Variants in HTR1A observed in about 807,000 individuals in gnomAD.
HTR1A encodes 5-hydroxytryptamine receptor 1A.
Under a neutral mutation model 24.6 loss-of-function variants are expected in HTR1A, and 17 were observed. The ratio of observed to expected loss-of-function variants is 0.69; its 90% CI spans 0.47 to 1.04. The LOEUF is 1.04. HTR1A is among the 50% of genes least tolerant of loss of function. HTR1A has a pLI of 0.00. For synonymous variants in HTR1A, 262 were observed against 244.6 expected, an observed-to-expected ratio of 1.07 and a Z score of -0.67; for missense variants, 515 against 565.1, an observed-to-expected ratio of 0.91 and a Z score of 0.90.
Position 63,961,697 on chromosome 5 carries a change from T to C in HTR1A, c.23A>G (p.Gln8Arg), listed in dbSNP as rs537575957. 1.2e-6 allele frequency: 2 copies of C among 1,613,780 alleles called. No individual in the cohort carries two copies. The highest frequency in any genetic ancestry group is 1.7e-6 in the Non-Finnish European group (2 of 1,180,038). Reference protein sequence around the residue: MDVLSPGQGNNTTSPPAP... With the variant: MDVLSPGRGNNTTSPPAP... ...CGGTGGTGATGTGGTGTTGTTGCCC[T>C]GACCAGGGCTGAGCACATCCATGCC... The change falls in exon 1 of 1, where the codon CAG becomes CGG. Residue 8 changes from glutamine to arginine, a missense_variant. Around this residue, in one of 3 missense-constraint regions of HTR1A, gnomAD observed 54 missense variants for 49.8 expected, o/e 1.08. Coordinates refer to ENST00000323865, the MANE Select transcript of HTR1A (RefSeq NM_000524.4).
In HTR1A at chr5:63,959,075, C is replaced by T. The variant is rs927970638; in HGVS notation, c.*1376G>A. 6.6e-6 allele frequency among the ~76,000 whole-genome samples: 1 copy of T among 152,224 alleles called. No homozygotes were observed. Among genetic ancestry groups the T allele is most frequent in the Non-Finnish European group, 1.5e-5 (1 of 68,048 alleles). On this transcript the variant is annotated 3_prime_UTR_variant, in exon 1 of 1. Transcript: ENST00000323865. The stretch of plus-strand genomic sequence containing the variant: ...TCTTGGATGTCCTGTAAAGCAAATG[C>T]AGCGAGTGTTGGGACACGCTAAACA...
Position 63,958,124 on chromosome 5 carries a change from G to A in HTR1A, c.*2327C>T, listed in dbSNP as rs531630986. ...TGGGGTTTGGATTATTTTAAATATA[G>A]ACTTTGTTCTTAAAATTTAGTGTAA... is the stretch of plus-strand genomic sequence containing the variant. On this transcript the variant is annotated 3_prime_UTR_variant, in exon 1 of 1. Transcript: ENST00000323865. 15 of 152,296 alleles carry A rather than the reference G, an allele frequency of 9.8e-5. 1 individual carries two copies. The highest frequency in any genetic ancestry group is 3.6e-4 in the African/African-American group (15 of 41,562). 9.4% of individuals were successfully genotyped at this position (152,296 alleles called of 1,614,324 possible). A position where few individuals can be genotyped will look rare whatever the true frequency, so the allele number is the denominator to read the frequency against.
chr5:63,960,898 A>C lies in HTR1A; in HGVS notation c.822T>G (p.Ala274=), dbSNP rs1289896785. 1.2e-6 allele frequency: 2 copies of C among 1,613,740 alleles called. No homozygotes were observed. Among genetic ancestry groups the C allele is most frequent in the Non-Finnish European group, 1.7e-6 (2 of 1,179,830 alleles). The change falls in exon 1 of 1, where the codon GCT becomes GCG. Residue 274 remains alanine, a synonymous_variant. Coordinates refer to ENST00000323865, the MANE Select transcript of HTR1A (RefSeq NM_000524.4). The stretch of plus-strand genomic sequence containing the variant: ...GCCTCACCGCGCCATTGGCGCACAG[A>C]GCACCCCCAGCCTTGCTCTCCACGC... ...RLGVESKAGG[A]LCANGAVRQG...
Position 63,960,981 on chromosome 5 carries a change from C to T in HTR1A, c.739G>A (p.Ala247Thr), listed in dbSNP as rs202078108. The change falls in exon 1 of 1, where the codon GCC becomes ACC. Residue 247 changes from alanine to threonine, a missense_variant. Transcript: ENST00000323865. ...TTCACACTCTTCTTGGGCTGCGGGG[C>T]GGGAGATGCTCCATGGCGGGTGTCC... ...GADTRHGASP[A>T]PQPKKSVNGE... is the part of the protein sequence containing the mutation. 33 of 1,614,182 alleles carry T rather than the reference C, an allele frequency of 2.0e-5. No individual in the cohort carries two copies. Among genetic ancestry groups the T allele is most frequent in the Admixed American group, 8.3e-5 (5 of 60,036 alleles).
At position 63,960,606 on chromosome 5, in the gene HTR1A, C is replaced by T; in HGVS notation, c.1114G>A (p.Glu372Lys). 1 of 1,614,208 alleles carries T rather than the reference C, an allele frequency of 6.2e-7. No homozygotes were observed. Among genetic ancestry groups the T allele is most frequent in the Non-Finnish European group, 8.5e-7 (1 of 1,180,024 alleles). Residue 372 changes from glutamate (E) to lysine (K), a missense_variant, in exon 1 of 1, where the codon GAG becomes AAG. By Grantham distance (56) the Glu-to-Lys change is moderately conservative. Coordinates refer to ENST00000323865, the MANE Select transcript of HTR1A (RefSeq NM_000524.4). The part of the protein sequence containing the change: ...FIVALVLPFC[E>K]SSCHMPTLLG... Reference sequence around the variant, plus strand: ...AGGGTGGGCATGTGGCAGCTGCTCTCGCAGAAGGGCAGAACAAGAGCCACG... The same window carrying T: ...AGGGTGGGCATGTGGCAGCTGCTCTTGCAGAAGGGCAGAACAAGAGCCACG...
At position 63,960,963 on chromosome 5, in the gene HTR1A, T is replaced by C; in HGVS notation, c.757A>G (p.Ser253Gly). The C allele has an allele frequency of 6.2e-7, 1 of 1,614,168 alleles. No individual in the cohort carries two copies. The highest frequency in any genetic ancestry group is 8.5e-7 in the Non-Finnish European group (1 of 1,180,028). Residue 253 changes from serine (S) to glycine (G), a missense_variant, in exon 1 of 1, where the codon AGT (serine) becomes GGT (glycine). By Grantham distance (56) the Ser-to-Gly change is moderately conservative (BLOSUM62 0). Around this residue, in one of 3 missense-constraint regions of HTR1A, gnomAD observed 381 missense variants for 384.5 expected, o/e 0.99. Coordinates refer to ENST00000323865, the MANE Select transcript of HTR1A (RefSeq NM_000524.4). The stretch of plus-strand genomic sequence containing the variant: ...CTGCTCCCCGACTCTCCATTCACAC[T>C]CTTCTTGGGCTGCGGGGCGGGAGAT... ...GASPAPQPKK[S>G]VNGESGSRNW...
Position 63,961,731 on chromosome 5 carries a change from C to G in HTR1A, c.-12G>C, listed in dbSNP as rs199667703. On this transcript the variant is annotated 5_prime_UTR_variant, in exon 1 of 1. Coordinates refer to ENST00000323865, the MANE Select transcript of HTR1A (RefSeq NM_000524.4). ...CTGAGCACATCCATGCCTGCGCGCC[C>G]GGCGCGGGAAGGGGGAGGGAAGAAA... 6 of 1,613,700 alleles carry G rather than the reference C, an allele frequency of 3.7e-6. No individual in the cohort carries two copies. The highest frequency in any genetic ancestry group is 3.3e-5 in the South Asian group (3 of 91,076).
rs765258517 is a variant in HTR1A at position 63,961,510 on chromosome 5, C to T, written c.210G>A (p.Val70=). ...AIALERSLQN[V]ANYLIGSLAV... is the part of the protein sequence containing the mutation. ...CCAAAGAGCCAATAAGATAATTGGC[C>T]ACGTTCTGCAGGGAGCGCTCCAAGG... Residue 70 remains valine, a synonymous_variant, in exon 1 of 1, where the codon GTG becomes GTA. Transcript: ENST00000323865. 6.8e-6 allele frequency: 11 copies of T among 1,614,244 alleles called. No homozygotes were observed. The highest frequency in any genetic ancestry group is 1.6e-4 in the Middle Eastern group (1 of 6,062).
rs778078124 is a variant in HTR1A, at chr5:63,961,364, C to G, written c.356G>C (p.Cys119Ser). ...CAGGTGCAAGATGGATGAGGTGCAGCACAGCACGTCGAGGGCGATGAACAG... is the reference window on the plus strand; with the variant it reads ...CAGGTGCAAGATGGATGAGGTGCAGGACAGCACGTCGAGGGCGATGAACAG... ...CDLFIALDVL[C>S]CTSSILHLCA... The change falls in exon 1 of 1, where the codon TGC (cysteine) becomes TCC (serine). Residue 119 changes from cysteine to serine, a missense_variant. Around this residue, in one of 3 missense-constraint regions of HTR1A, gnomAD observed 80 missense variants for 130.8 expected, o/e 0.61. Coordinates refer to ENST00000323865, the MANE Select transcript of HTR1A (RefSeq NM_000524.4). The G allele has an allele frequency of 6.2e-7, 1 of 1,613,996 alleles. No homozygotes were observed. The highest frequency in any genetic ancestry group is 8.5e-7 in the Non-Finnish European group (1 of 1,179,908).
rs1297365002 is a variant in HTR1A, at chr5:63,958,586, G to C, written c.*1865C>G. Among the ~76,000 whole-genome samples, 3 of 152,188 alleles carry C rather than the reference G, an allele frequency of 2.0e-5. No homozygotes were observed. The highest frequency in any genetic ancestry group is 4.4e-5 in the Non-Finnish European group (3 of 68,028). On this transcript the variant is annotated 3_prime_UTR_variant, in exon 1 of 1. Coordinates refer to ENST00000323865, the MANE Select transcript of HTR1A (RefSeq NM_000524.4). ...GAAAAGAGTAGGGATCAATTACTTT[G>C]TGAATTTTCTGGAAAACAAGACCAT...
At position 63,960,921 on chromosome 5, in the gene HTR1A, C is replaced by G. The variant is rs34158987; in HGVS notation, c.799G>C (p.Val267Leu). Residue 267 changes from valine (V) to leucine (L), a missense_variant, in exon 1 of 1, where the codon GTG becomes CTG. This residue lies in a region of HTR1A where 381 missense variants were observed against 384.5 expected (regional missense o/e 0.99). Transcript: ENST00000323865. Reference protein sequence around the residue: ...ESGSRNWRLGVESKAGGALCA... With the variant: ...ESGSRNWRLGLESKAGGALCA... ...AGAGCACCCCCAGCCTTGCTCTCCACGCCCAGCCTCCAGTTCCTGCTCCCC... is the reference window on the plus strand; with the variant it reads ...AGAGCACCCCCAGCCTTGCTCTCCAGGCCCAGCCTCCAGTTCCTGCTCCCC... 6.2e-7 allele frequency: 1 copy of G among 1,614,042 alleles called. No homozygotes were observed. The highest frequency in any genetic ancestry group is 1.1e-5 in the South Asian group (1 of 91,086).
chr5:63,961,148 T>C lies in HTR1A; in HGVS notation c.572A>G (p.Lys191Arg). ...GGAATAGATAGTGTAGCCATGATCC[T>C]TGCTAATGGTGCATGCGTCGGGGTC... The part of the protein sequence containing the change: ...RSDPDACTIS[K>R]DHGYTIYSTF... The change falls in exon 1 of 1, where the codon AAG (lysine) becomes AGG (arginine). Residue 191 changes from lysine (K) to arginine (R), a missense_variant. Around this residue, in one of 3 missense-constraint regions of HTR1A, gnomAD observed 381 missense variants for 384.5 expected, o/e 0.99. Transcript: ENST00000323865. The C allele has an allele frequency of 6.2e-7, 1 of 1,614,212 alleles. No homozygotes were observed. The highest frequency in any genetic ancestry group is 8.5e-7 in the Non-Finnish European group (1 of 1,180,050).
Position 63,957,921 on chromosome 5 carries a change from G to A in HTR1A, c.*2530C>T, listed in dbSNP as rs1432647960. The A allele has an allele frequency of 1.3e-5, 2 of 152,256 alleles. No homozygotes were observed. The highest frequency in any genetic ancestry group is 1.9e-4 in the East Asian group (1 of 5,170). 9.4% of individuals were successfully genotyped at this position (152,256 alleles called of 1,614,324 possible). On this transcript the variant is annotated 3_prime_UTR_variant, in exon 1 of 1. Transcript: ENST00000323865. ...ATTTCTCTAAATTCTCTATTGCCTT[G>A]ACAATTATGCTCCAGTTGGATGTTC...
rs769309156 is a variant in HTR1A, at chr5:63,961,203, G to A, written c.517C>T (p.Leu173=). 2.5e-6 allele frequency: 4 copies of A among 1,614,030 alleles called. No individual in the cohort carries two copies. The Admixed American group carries it at 5.0e-5, about 20-fold the overall frequency. ...CGGTCTTCCGGGGTGCGCCAGCCCA[G>A]CATGGGCGGGATAGAGATGAGGAAG... ...IGFLISIPPM[L]GWRTPEDRSD... Residue 173 remains leucine (L), a synonymous_variant, in exon 1 of 1, where the codon CTG becomes TTG. Coordinates refer to ENST00000323865, the MANE Select transcript of HTR1A (RefSeq NM_000524.4).
Position 63,961,247 on chromosome 5 carries a change from G to T in HTR1A, c.473C>A (p.Ser158Ter). ...GAGGAAGCCAATAAGCCAAGTGAGC[G>T]AGATGAGCGCAGCGGCGCGCCGGGG... ...RTPRRAAALI[S>*]LTWLIGFLIS... is the part of the protein sequence containing the mutation. The change falls in exon 1 of 1, where the codon TCG becomes TAG. Residue 158 changes from serine (S) to a stop codon, truncating the protein, a stop_gained. Coordinates refer to ENST00000323865, the MANE Select transcript of HTR1A (RefSeq NM_000524.4). LOFTEE classifies it high-confidence loss of function. 6.2e-7 allele frequency: 1 copy of T among 1,614,202 alleles called. No homozygotes were observed. The highest frequency in any genetic ancestry group is 8.5e-7 in the Non-Finnish European group (1 of 1,180,036).
Position 63,960,999 on chromosome 5 carries a change from G to C in HTR1A, c.721C>G (p.Arg241Gly), listed in dbSNP as rs761581962. 8 of 1,614,028 alleles carry C rather than the reference G, an allele frequency of 5.0e-6. No homozygotes were observed. Among genetic ancestry groups the C allele is most frequent in the Middle Eastern group, 1.6e-4 (1 of 6,084 alleles). ...TGCGGGGCGGGAGATGCTCCATGGC[G>C]GGTGTCCGCTCCGGTCTTCTCCACC... ...KKVEKTGADT[R>G]HGASPAPQPK... Residue 241 changes from arginine to glycine, a missense_variant, in exon 1 of 1, where the codon CGC (arginine) becomes GGC (glycine). By Grantham distance (125) the Arg-to-Gly change is moderately radical. Transcript: ENST00000323865.
In HTR1A at chr5:63,958,622, A is replaced by G. The variant is rs532531622; in HGVS notation, c.*1829T>C. On this transcript the variant is annotated 3_prime_UTR_variant, in exon 1 of 1. Transcript: ENST00000323865. ...GGAAAACAAGACCATTATTCATAAG[A>G]AAATTGGAGGCTAGATCAAACAATG... Among the ~76,000 whole-genome samples the G allele has an allele frequency of 6.6e-6, 1 of 152,370 alleles. No individual in the cohort carries two copies. The highest frequency in any genetic ancestry group is 2.4e-5 in the African/African-American group (1 of 41,592).
In HTR1A at chr5:63,960,715, C is replaced by T. The variant is rs200535872; in HGVS notation, c.1005G>A (p.Met335Ile). 39 of 1,614,238 alleles carry T rather than the reference C, an allele frequency of 2.4e-5. No individual in the cohort carries two copies. The South Asian group carries it at 4.0e-4, about 16-fold the overall frequency. ...NERNAEAKRKMALARERKTVK... is the reference protein window; with the variant it reads ...NERNAEAKRKIALARERKTVK... Reference sequence around the variant, plus strand: ...CTGTCTTCCTCTCTCGGGCCAGGGCCATCTTGCGCTTCGCCTCGGCGTTGC... The same window carrying T: ...CTGTCTTCCTCTCTCGGGCCAGGGCTATCTTGCGCTTCGCCTCGGCGTTGC... Residue 335 changes from methionine (M) to isoleucine (I), a missense_variant, in exon 1 of 1, where the codon ATG (methionine) becomes ATA (isoleucine). Coordinates refer to ENST00000323865, the MANE Select transcript of HTR1A (RefSeq NM_000524.4).
rs1385649913 is a variant in HTR1A at position 63,958,431 on chromosome 5, G to A, written c.*2020C>T. Among the ~76,000 whole-genome samples, 1 of 152,184 alleles carries A rather than the reference G, an allele frequency of 6.6e-6. No individual in the cohort carries two copies. Among genetic ancestry groups the A allele is most frequent in the East Asian group, 1.9e-4 (1 of 5,198 alleles). On this transcript the variant is annotated 3_prime_UTR_variant, in exon 1 of 1. Coordinates refer to ENST00000323865, the MANE Select transcript of HTR1A (RefSeq NM_000524.4). ...GACAAACAATAAAATGGCTTCAACT[G>A]ACAGAGCTGTCCTTTCACTTTCTTA...
Sources: gnomAD v4.1 joint callset for allele counts (sites outside exome capture counted in the v4.1 genomes callset) on GRCh38, gnomAD v4.1.1 for gene constraint, gnomAD v4.1.1 regional missense constraint, MANE v1.5 for transcripts, NCBI Gene and HGNC (gene_info 2026-07-23, HGNC 2026-07-21) for gene names.